The following CHID1 variants were observed in gnomAD, a reference collection of about 807,000 sequenced individuals.
CHID1 encodes chitinase domain-containing protein 1.
In CHID1, 44 loss-of-function variants were observed where a neutral mutation model predicts 55.4. That is an observed-to-expected ratio of 0.79 (90% CI 0.62 to 1.02). CHID1 has a LOEUF of 1.02. Among genes scored for constraint, CHID1 ranks in the 50% least tolerant of loss-of-function variants. The pLI, the probability that CHID1 is intolerant of heterozygous loss-of-function variation, is 0.00. For missense variants in CHID1, 491 were observed against 515.3 expected (o/e 0.95, Z 0.46); for synonymous variants, 216 against 212.9 (o/e 1.01, Z -0.13).
intron 1 of CHID1, among the ~76,000 whole-genome samples, chr11:906,787 G>A (rs1039781265): frequency 1.3e-5 from 2 of 152,120 alleles, no homozygotes; most frequent in Admixed American, 6.5e-5. Context: ...ACACCACGTC[G>A]GGAGGCCAAG....
chr11:868,890 C>T lies in CHID1; in HGVS notation c.*968G>A, dbSNP rs763040581. ...GAGAGACCTTGCCCGGGACATGTACCCACCTATGCCCTCTACTGCCCACCT... is the reference window on the plus strand; with the variant it reads ...GAGAGACCTTGCCCGGGACATGTACTCACCTATGCCCTCTACTGCCCACCT... On this transcript the variant is annotated 3_prime_UTR_variant, in exon 13 of 13. Coordinates refer to ENST00000323578, the MANE Select transcript of CHID1 (RefSeq NM_023947.4). The T allele has an allele frequency of 6.6e-5, 10 of 152,156 alleles. No individual in the cohort carries two copies. Among genetic ancestry groups the T allele is most frequent in the African/African-American group, 2.2e-4 (9 of 41,400 alleles). The allele number at this position is 152,156 out of a possible 1,614,324, so 9.4% of individuals were successfully genotyped here. A position where few individuals can be genotyped will look rare whatever the true frequency, so the allele number is the denominator to read the frequency against.
intron 8 of CHID1, among the ~76,000 whole-genome samples, chr11:887,026 T>G (rs1477214945): frequency 6.6e-6 from 1 of 152,152 alleles, no homozygotes; most frequent in Non-Finnish European, 1.5e-5. Context: ...TTTGTTGCTT[T>G]CTTTCTTTTC....
intron 8 of CHID1, among the ~76,000 whole-genome samples, chr11:891,019 C>T (rs368396493): frequency 6.6e-6 from 1 of 152,290 alleles, no homozygotes; most frequent in Admixed American, 6.5e-5. Flanking sequence ...CACAATTACG[C>T]GCTGCTGCAA....
intron 10 of CHID1, among the ~76,000 whole-genome samples, chr11:879,126 G>A (rs1849715558): frequency 6.6e-6 from 1 of 152,222 alleles, no homozygotes. Flanking sequence ...GATTACAGGT[G>A]TGAGCCACAG....
At chr11:901,652 A>G (rs1420096758) in intron 4 of CHID1, among the ~76,000 whole-genome samples, 1 of 152,136 alleles carries the variant, frequency 6.6e-6, no homozygotes, top group Non-Finnish European at 1.5e-5. Flanking sequence ...TGCCTGAGTC[A>G]TTGTAGAGCC....
At position 869,524 on chromosome 11, in the gene CHID1, C is replaced by T; in HGVS notation, c.*334G>A. 2.4e-6 allele frequency: 1 copy of T among 413,832 alleles called. No homozygotes were observed. Among genetic ancestry groups the T allele is most frequent in the Non-Finnish European group, 4.4e-6 (1 of 226,068 alleles). The allele number at this position is 413,832 out of a possible 1,614,324, so 25.6% of individuals were successfully genotyped here. A position where few individuals can be genotyped will look rare whatever the true frequency, so the allele number is the denominator to read the frequency against. On this transcript the variant is annotated 3_prime_UTR_variant, in exon 13 of 13. Coordinates refer to ENST00000323578, the MANE Select transcript of CHID1 (RefSeq NM_023947.4). ...GTTCCAGAGCTTCCAAACCCACATC[C>T]AGCCCAGGATGTGAGAAGCAGCCCA... is the stretch of plus-strand genomic sequence containing the variant.
chr11:878,766 A>G (rs758801526), intron 10 of CHID1, among the ~76,000 whole-genome samples: 1 of 150,940 alleles, frequency 6.6e-6, no homozygotes, highest in Non-Finnish European at 1.5e-5. Flanking sequence ...CAATGGCGCG[A>G]TCTCCACTCA....
intron 10 of CHID1, among the ~76,000 whole-genome samples, chr11:881,657 GACC>G (rs1304553086): frequency 2.8e-5 from 4 of 144,030 alleles, no homozygotes; most frequent in Non-Finnish European, 3.0e-5. Flanking sequence ...TGAGAGAAAT[GACC>G]ACGTCGGGCT....
At chr11:905,729 G>A (rs1852165022) in intron 1 of CHID1, among the ~76,000 whole-genome samples, 1 of 151,958 alleles carries the variant, frequency 6.6e-6, no homozygotes, top group African/African-American at 2.4e-5. Context: ...CGATGATGGT[G>A]GTGATGCCAC....
In CHID1 at chr11:870,126, G is replaced by C; in HGVS notation, c.1078C>G (p.Leu360Val). The C allele has an allele frequency of 6.2e-7, 1 of 1,613,040 alleles. No homozygotes were observed. The highest frequency in any genetic ancestry group is 1.7e-5 in the Admixed American group (1 of 60,024). The change falls in exon 12 of 13, where the codon CTG becomes GTG. Residue 360 changes from leucine (L) to valine (V), a missense_variant. Transcript: ENST00000323578. ...SGRHVVFYPT[L>V]KSLQVRLELA... is the part of the protein sequence containing the mutation. Reference sequence around the variant, plus strand: ...ACGGCTGGCAGCACACGCACCTTCAGGGTTGGGTAGAAGACGACGTGCCTC... The same window carrying C: ...ACGGCTGGCAGCACACGCACCTTCACGGTTGGGTAGAAGACGACGTGCCTC...
intron 8 of CHID1, among the ~76,000 whole-genome samples, chr11:885,020 G>A (rs1021028903): frequency 9.2e-5 from 14 of 152,366 alleles, no homozygotes; most frequent in Admixed American, 2.6e-4. Context: ...AGCAGTACAT[G>A]AAGGTCAACA....
intron 10 of CHID1, among the ~76,000 whole-genome samples, chr11:877,543 G>A (rs1420451007): frequency 6.6e-6 from 1 of 152,220 alleles, no homozygotes; most frequent in Non-Finnish European, 1.5e-5. Flanking sequence ...GTTGCGCCAA[G>A]CCACACTGAT....
intron 7 of CHID1, among the ~76,000 whole-genome samples, chr11:898,532 C>T (rs1851559002): frequency 6.6e-6 from 1 of 152,246 alleles, no homozygotes. Context: ...ACGCCCCCTA[C>T]CAACATCCTG....
chr11:907,831 C>T (rs891732562), intron 1 of CHID1, among the ~76,000 whole-genome samples: 1 of 152,190 alleles, frequency 6.6e-6, no homozygotes, highest in Non-Finnish European at 1.5e-5. Context: ...CAGGCAGGTG[C>T]ACCTGTCAGA....
rs974489669 is a variant in CHID1, at chr11:875,119, G to A, written c.960-4620C>T. Among the ~76,000 whole-genome samples the A allele has an allele frequency of 3.3e-5, 5 of 152,262 alleles. No individual in the cohort carries two copies. Among genetic ancestry groups the A allele is most frequent in the African/African-American group, 1.2e-4 (5 of 41,470 alleles). ...TGTGAGCAATGGTGAGGCCCCCAGT[G>A]CCAGGCCCAGGCCCCCTCCTGAAGG... On this transcript the variant is annotated intron_variant, in intron 10 of 12. Transcript: ENST00000323578. This position sits in a 1 kb window ranked among gnomAD's most constrained non-coding sequence, Gnocchi z 4.7.
At position 869,275 on chromosome 11, in the gene CHID1, C is replaced by G. The variant is rs753576098; in HGVS notation, c.*583G>C. 7.1e-5 allele frequency: 11 copies of G among 155,162 alleles called. No homozygotes were observed. The highest frequency in any genetic ancestry group is 1.1e-4 in the Non-Finnish European group (8 of 70,248). 9.6% of individuals were successfully genotyped at this position (155,162 alleles called of 1,614,324 possible). A position where few individuals can be genotyped will look rare whatever the true frequency, so the allele number is the denominator to read the frequency against. On this transcript the variant is annotated 3_prime_UTR_variant, in exon 13 of 13. Coordinates refer to ENST00000323578, the MANE Select transcript of CHID1 (RefSeq NM_023947.4). ...TTTCAAGAGGGTGGGCCAGGCTCCT[C>G]TGAGCCCATTTCTAGGGCAGCCCCT...
chr11:873,362 C>T (rs935332719), intron 10 of CHID1, among the ~76,000 whole-genome samples: 2 of 152,064 alleles, frequency 1.3e-5, no homozygotes, highest in Non-Finnish European at 2.9e-5. Context: ...GCTTGTAAGA[C>T]CCCAAGGAGC....
Position 884,811 on chromosome 11 carries a change from G to A in CHID1, c.702-642C>T, listed in dbSNP as rs574546571. 2.0e-5 allele frequency among the ~76,000 whole-genome samples: 3 copies of A among 152,340 alleles called. No homozygotes were observed. In the South Asian group the frequency reaches 6.2e-4, roughly 32 times the overall value. On this transcript the variant is annotated intron_variant, in intron 8 of 12. Transcript: ENST00000323578. Reference sequence around the variant, plus strand: ...ACACCTGTGGCATGGGCACCGCGGAGGAAGCGGCCCTGTTCTGTCTGCCTG... The same window carrying A: ...ACACCTGTGGCATGGGCACCGCGGAAGAAGCGGCCCTGTTCTGTCTGCCTG...
At chr11:910,058 C>CA (rs753977191) in intron 1 of CHID1, among the ~76,000 whole-genome samples, 332 of 129,710 alleles carry the variant, frequency 2.6e-3, no homozygotes, top group South Asian at 4.2e-3. Context: ...GACTCTGTCT[C>CA]AAAAAAAAAA....
Sources: allele counts gnomAD v4.1 joint callset (sites outside exome capture counted in the v4.1 genomes callset), GRCh38; gene constraint gnomAD v4.1.1; non-coding constraint Gnocchi (gnomAD v3.1); transcripts MANE v1.5; gene names NCBI Gene and HGNC (gene_info 2026-07-23, HGNC 2026-07-21).